The following TANGO6 variants were observed in gnomAD, a reference collection of about 807,000 sequenced individuals.
TANGO6 encodes the protein transport and Golgi organization protein 6 homolog.
Under a neutral mutation model 114.2 loss-of-function variants are expected in TANGO6, and 90 were observed. That is an observed-to-expected ratio of 0.79 (90% CI 0.66 to 0.94). The LOEUF (loss-of-function observed/expected upper bound fraction) is 0.94. TANGO6 is among the 40% of genes least tolerant of loss of function. TANGO6 has a pLI of 0.00. For synonymous variants in TANGO6, 477 were observed against 509.8 expected, an observed-to-expected ratio of 0.94 and a Z score of 0.87; for missense variants, 1,274 against 1,315.3, an observed-to-expected ratio of 0.97 and a Z score of 0.49.
intron 15 of TANGO6, among the ~76,000 whole-genome samples, chr16:68,985,631 T>G (rs985681015): frequency 3.3e-5 from 5 of 152,154 alleles, no homozygotes; most frequent in Non-Finnish European, 5.9e-5. Context: ...GAAGATCACC[T>G]GAGCCCGGGA....
At chr16:69,028,991 T>C (rs1959550637) in intron 16 of TANGO6, among the ~76,000 whole-genome samples, 1 of 152,012 alleles carries the variant, frequency 6.6e-6, no homozygotes, top group Non-Finnish European at 1.5e-5. Context: ...ACCTGAACAA[T>C]ACCTGAATAT....
chr16:68,863,336 G>GGTGGC (rs2152159156), intron 3 of TANGO6, among the ~76,000 whole-genome samples: 1 of 152,106 alleles, frequency 6.6e-6, no homozygotes, highest in African/African-American at 2.4e-5. Context: ...GGCTGGGCAC[G>GGTGGC]GTGGCTCACG....
intron 17 of TANGO6, among the ~76,000 whole-genome samples, chr16:69,045,050 G>A (rs571428414): frequency 4.0e-5 from 6 of 151,800 alleles, no homozygotes; most frequent in South Asian, 2.1e-4. Context: ...ATCCCAGTTC[G>A]GGAGGCCAAG....
intron 2 of TANGO6, 144 bp downstream of exon 2, chr16:68,860,668 T>G (rs1333430870): frequency 8.8e-7 from 1 of 1,136,714 alleles, no homozygotes; most frequent in East Asian, 2.6e-5. Context: ...AAATGAATCT[T>G]TTGGGGGTGG....
At chr16:68,860,863 G>A (rs548181962) in intron 2 of TANGO6, among the ~76,000 whole-genome samples, 1 of 152,274 alleles carries the variant, frequency 6.6e-6, no homozygotes, top group South Asian at 2.1e-4. Context: ...AGGATAATGT[G>A]TGTCAAGTAT....
At chr16:68,878,006 G>A (rs924273509) in intron 5 of TANGO6, 112 bp from the exon 6 acceptor site, 5 of 853,518 alleles carry the variant, frequency 5.9e-6, no homozygotes, top group Non-Finnish European at 3.5e-6. Flanking sequence ...TTGAATCAGT[G>A]TTATTGAGGT....
chr16:69,061,311 TC>T (rs1194886393), intron 17 of TANGO6, among the ~76,000 whole-genome samples: 1 of 152,148 alleles, frequency 6.6e-6, no homozygotes, highest in Non-Finnish European at 1.5e-5. Context: ...ATGCCTGTAA[TC>T]CCAGCACTTT....
chr16:68,849,896 A>G (rs1203493938), intron 1 of TANGO6, among the ~76,000 whole-genome samples: 2 of 152,114 alleles, frequency 1.3e-5, no homozygotes, highest in African/African-American at 4.8e-5. Flanking sequence ...TTTACAGTGA[A>G]AATACCATGA....
Position 69,009,046 on chromosome 16 carries a change from T to C in TANGO6, c.2843-13782T>C, listed in dbSNP as rs139333167. Among the ~76,000 whole-genome samples the C allele has an allele frequency of 9.2e-3, 1,390 of 151,684 alleles. 17 individuals are homozygous for C. Among genetic ancestry groups the C allele is most frequent in the African/African-American group, 0.032 (1,319 of 41,358 alleles). The stretch of plus-strand genomic sequence containing the variant: ...TTTTGGCATTCTTGTTAAAAACCAA[T>C]TGAACATAAACAGGAGAGTTTATTT... On this transcript the variant is annotated intron_variant, in intron 15 of 17. Transcript: ENST00000261778.
At chr16:69,036,744 C>T (rs984665556) in intron 16 of TANGO6, among the ~76,000 whole-genome samples, 1 of 152,148 alleles carries the variant, frequency 6.6e-6, no homozygotes, top group African/African-American at 2.4e-5. Context: ...AGGCGAATCA[C>T]TTGAGTCCAG....
At chr16:69,047,702 T>C (rs1321144293) in intron 17 of TANGO6, among the ~76,000 whole-genome samples, 8 of 152,284 alleles carry the variant, frequency 5.3e-5, no homozygotes, top group East Asian at 3.9e-4. Flanking sequence ...TTTATCAAGG[T>C]AACTACTGCT....
intron 17 of TANGO6, among the ~76,000 whole-genome samples, chr16:69,078,636 G>A (rs1960422657): frequency 6.6e-6 from 1 of 152,160 alleles, no homozygotes; most frequent in Admixed American, 6.5e-5. Context: ...CACTAGACCA[G>A]AAGCCTTTTA....
At chr16:68,853,080 T>C (rs1457974436) in intron 1 of TANGO6, among the ~76,000 whole-genome samples, 1 of 152,192 alleles carries the variant, frequency 6.6e-6, no homozygotes, top group Non-Finnish European at 1.5e-5. Context: ...TATTTGGGTT[T>C]TTTGTAGTTC....
intron 17 of TANGO6, among the ~76,000 whole-genome samples, chr16:69,073,338 C>T (rs55839534): frequency 0.013 from 1,972 of 152,280 alleles, 41 homozygotes; most frequent in African/African-American, 0.043. Context: ...CTTCCTCCAC[C>T]CACCTCCAAA....
intron 14 of TANGO6, among the ~76,000 whole-genome samples, chr16:68,959,884 T>C (rs375022798): frequency 3.9e-5 from 6 of 152,192 alleles, no homozygotes; most frequent in African/African-American, 1.4e-4. Flanking sequence ...TGAGGTGAAA[T>C]GTCAGTAGAA....
chr16:69,079,767 A>C (rs943825206), intron 17 of TANGO6, among the ~76,000 whole-genome samples: 12 of 152,264 alleles, frequency 7.9e-5, no homozygotes, highest in African/African-American at 2.7e-4. Context: ...ATGGGGAAAC[A>C]GGAATTTTCA....
intron 11 of TANGO6, among the ~76,000 whole-genome samples, chr16:68,913,986 A>G (rs1962964405): frequency 6.6e-6 from 1 of 152,086 alleles, no homozygotes; most frequent in Admixed American, 6.5e-5. Flanking sequence ...GAGAACTGAA[A>G]AATAGGAGGT....
chr16:68,849,971 CTTTTTTTTTTT>C (rs560571416), intron 1 of TANGO6, among the ~76,000 whole-genome samples: 1 of 114,862 alleles, frequency 8.7e-6, no homozygotes, highest in African/African-American at 3.4e-5. Context: ...TCTAGCGGTT[CTTTTTTTTTTT>C]TTTTTTTTTG....
At chr16:69,058,325 TATAAC>T (rs766125655) in intron 17 of TANGO6, among the ~76,000 whole-genome samples, 12 of 152,340 alleles carry the variant, frequency 7.9e-5, no homozygotes, top group Middle Eastern at 3.4e-3. Context: ...TTAATAGTAA[TATAAC>T]TAATCCTGTT....
Sources: allele counts gnomAD v4.1 joint callset (sites outside exome capture counted in the v4.1 genomes callset), GRCh38; gene constraint gnomAD v4.1.1; transcripts MANE v1.5; gene names NCBI Gene and HGNC (gene_info 2026-07-23, HGNC 2026-07-21).